The following ROBO1 variants were observed in gnomAD, a reference collection of about 807,000 sequenced individuals.
The protein encoded by ROBO1 is roundabout homolog 1.
In ROBO1, 149 loss-of-function variants were observed where a neutral mutation model predicts 195.9. The ratio of observed to expected loss-of-function variants is 0.76; its 90% CI spans 0.67 to 0.87. The LOEUF (loss-of-function observed/expected upper bound fraction) is 0.87, where lower values mean the gene tolerates loss of function less well. Among genes scored for constraint, ROBO1 ranks in the 40% least tolerant of loss-of-function variants. The pLI is 0.00. For missense variants in ROBO1, 1,933 were observed against 2,068.3 expected (o/e 0.93, Z 1.27); for synonymous variants, 816 against 733.2 (o/e 1.11, Z -1.82).
intron 1 of ROBO1, among the ~76,000 whole-genome samples, chr3:79,713,817 G>A (rs1365098736): frequency 6.6e-6 from 1 of 152,090 alleles, no homozygotes; most frequent in Non-Finnish European, 1.5e-5. Flanking sequence ...CATATGGCTA[G>A]CCAGTTTTCC....
At chr3:79,339,701 A>C (rs1248077618) in intron 2 of ROBO1, among the ~76,000 whole-genome samples, 1 of 152,152 alleles carries the variant, frequency 6.6e-6, no homozygotes, top group Non-Finnish European at 1.5e-5. Flanking sequence ...ATCTTATCCC[A>C]CTAAGCATTA....
chr3:78,829,035 A>G (rs994206945), intron 4 of ROBO1, among the ~76,000 whole-genome samples: 7 of 152,232 alleles, frequency 4.6e-5, no homozygotes, highest in Admixed American at 4.6e-4. Context: ...GCAAAGTTCA[A>G]TGACATAAGA....
rs139450840 is a variant in ROBO1 at position 78,917,939 on chromosome 3, T to G, written c.499+20662A>C. Among the ~76,000 whole-genome samples the G allele has an allele frequency of 1.4e-3, 209 of 152,328 alleles. 3 individuals carry two copies. The East Asian group carries it at 0.033, about 24-fold the overall frequency. On this transcript the variant is annotated intron_variant, in intron 4 of 30. Coordinates refer to ENST00000464233, the MANE Select transcript of ROBO1 (RefSeq NM_002941.4). ...TTCCTATGTGAATTCATATTAATAT[T>G]TAAGGACAGAAGCTACTACGACACA...
At chr3:79,135,650 T>G (rs2080392894) in intron 2 of ROBO1, among the ~76,000 whole-genome samples, 1 of 152,138 alleles carries the variant, frequency 6.6e-6, no homozygotes, top group Non-Finnish European at 1.5e-5. Context: ...CTTTTTTTTT[T>G]TTTTGAGACG....
rs368974626 is a variant in ROBO1 at position 78,629,315 on chromosome 3, A to C, written c.3627-1746T>G. Among the ~76,000 whole-genome samples, 1,314 of 151,774 alleles carry C rather than the reference A, an allele frequency of 8.7e-3. 22 individuals carry two copies. The highest frequency in any genetic ancestry group is 0.03 in the African/African-American group (1,255 of 41,422). On this transcript the variant is annotated intron_variant, in intron 25 of 30. Transcript: ENST00000464233. Reference sequence around the variant, plus strand: ...CTATATTGCTTTTTTTTTAAAAAAAACCTATATTCACTTATTTCATTTTAG... The same window carrying C: ...CTATATTGCTTTTTTTTTAAAAAAACCCTATATTCACTTATTTCATTTTAG...
intron 3 of ROBO1, among the ~76,000 whole-genome samples, chr3:79,030,912 G>C (rs141109733): frequency 2.7e-3 from 404 of 152,142 alleles, no homozygotes; most frequent in African/African-American, 9.1e-3. Flanking sequence ...AGTAGAGACG[G>C]GGTTTCTCCA....
intron 3 of ROBO1, among the ~76,000 whole-genome samples, chr3:78,989,684 G>C (rs574672942): frequency 1.3e-5 from 2 of 152,140 alleles, no homozygotes; most frequent in African/African-American, 4.8e-5. Context: ...TCTTTGTCTA[G>C]GATATAACAT....
chr3:79,208,219 C>A (rs1211904198), intron 2 of ROBO1, among the ~76,000 whole-genome samples: 2 of 152,266 alleles, frequency 1.3e-5, no homozygotes, highest in East Asian at 1.9e-4. Context: ...GTGTCCTCCC[C>A]ACTCATAAGT....
intron 1 of ROBO1, among the ~76,000 whole-genome samples, chr3:79,648,974 T>G (rs982023548): frequency 6.6e-6 from 1 of 152,072 alleles, no homozygotes; most frequent in Admixed American, 6.6e-5. Context: ...TCTGAACACA[T>G]GAAGATATTT....
At position 79,550,168 on chromosome 3, in the gene ROBO1, G is replaced by GAAAGA. The variant is rs1394247494; in HGVS notation, c.88+39655_88+39656insTCTTT. ...AAAAGAAAGGAAGAAAGAAAGAAAG[G>GAAAGA]AAGAAAGAAAGAAAGAAAGAAAGAA... On this transcript the variant is annotated intron_variant, in intron 2 of 30. Transcript: ENST00000464233. Among the ~76,000 whole-genome samples the GAAAGA allele has an allele frequency of 1.9e-4, 18 of 96,902 alleles. 1 individual carries two copies. The highest frequency in any genetic ancestry group is 3.4e-4 in the South Asian group (1 of 2,952). 63.6% of individuals were successfully genotyped at this position (96,902 alleles called of 152,430 possible).
At chr3:79,726,408 T>C (rs1702927562) in intron 1 of ROBO1, among the ~76,000 whole-genome samples, 2 of 152,200 alleles carry the variant, frequency 1.3e-5, no homozygotes, top group Non-Finnish European at 2.9e-5. Context: ...ATTGTTTTTG[T>C]AACGACATCA....
chr3:79,303,159 GGTTTTTT>G (rs1362598717), intron 2 of ROBO1, among the ~76,000 whole-genome samples: 10 of 72,078 alleles, frequency 1.4e-4, no homozygotes, highest in East Asian at 4.0e-4. Context: ...ATCTCACATA[GGTTTTTT>G]TTTTTTTTTT....
At chr3:79,627,527 A>T (rs1945214230) in intron 1 of ROBO1, among the ~76,000 whole-genome samples, 1 of 152,198 alleles carries the variant, frequency 6.6e-6, no homozygotes, top group African/African-American at 2.4e-5. Context: ...CTTAAATGTA[A>T]AATCAAAAGC....
At chr3:79,257,516 C>T (rs1203252693) in intron 2 of ROBO1, among the ~76,000 whole-genome samples, 1 of 152,114 alleles carries the variant, frequency 6.6e-6, no homozygotes. Context: ...ATGGAAGTCT[C>T]TCCATGTTTT....
intron 2 of ROBO1, among the ~76,000 whole-genome samples, chr3:79,353,762 A>C (rs1423751229): frequency 6.6e-6 from 1 of 152,138 alleles, no homozygotes; most frequent in Non-Finnish European, 1.5e-5. Flanking sequence ...AAGTTATTGC[A>C]GGCCAGGCGC....
At chr3:79,485,028 A>T (rs570123617) in intron 2 of ROBO1, among the ~76,000 whole-genome samples, 62 of 152,158 alleles carry the variant, frequency 4.1e-4, no homozygotes, top group African/African-American at 1.5e-3. Context: ...CTGGGATTAC[A>T]GGCGTGAGCC....
intron 3 of ROBO1, among the ~76,000 whole-genome samples, chr3:79,029,620 C>A (rs2108298322): frequency 6.6e-6 from 1 of 152,254 alleles, no homozygotes; most frequent in African/African-American, 2.4e-5. Context: ...CCTAGAATAT[C>A]ATTAAATGTG....
intron 3 of ROBO1, among the ~76,000 whole-genome samples, chr3:79,054,006 G>A (rs1051120604): frequency 6.6e-6 from 1 of 152,008 alleles, no homozygotes; most frequent in African/African-American, 2.4e-5. Context: ...TTTTTGTACT[G>A]AGGCCATTTT....
intron 2 of ROBO1, among the ~76,000 whole-genome samples, chr3:79,331,565 T>C (rs994991331): frequency 6.6e-6 from 1 of 152,170 alleles, no homozygotes; most frequent in Non-Finnish European, 1.5e-5. Flanking sequence ...TTATCGGTGG[T>C]AACAAAGATT....
Sources: gnomAD v4.1 joint callset for allele counts (sites outside exome capture counted in the v4.1 genomes callset) on GRCh38, gnomAD v4.1.1 for gene constraint, MANE v1.5 for transcripts, NCBI Gene and HGNC (gene_info 2026-07-23, HGNC 2026-07-21) for gene names.